Variants in PXDNL observed in about 807,000 individuals in gnomAD.
PXDNL encodes probable oxidoreductase PXDNL.
Under a neutral mutation model 150.8 loss-of-function variants are expected in PXDNL, and 145 were observed. The observed-to-expected ratio is 0.96, with a 90% CI of 0.84 to 1.10. The LOEUF (loss-of-function observed/expected upper bound fraction) is 1.10. Among genes scored for constraint, PXDNL ranks in the 50% least tolerant of loss-of-function variants. The pLI is 0.00. For synonymous variants in PXDNL, 757 were observed against 725.7 expected, an observed-to-expected ratio of 1.04 and a Z score of -0.69; for missense variants, 2,087 against 1,873.9, an observed-to-expected ratio of 1.11 and a Z score of -2.10.
At chr8:51,486,692 T>G (rs1040952911) in intron 5 of PXDNL, among the ~76,000 whole-genome samples, 11 of 145,692 alleles carry the variant, frequency 7.6e-5, no homozygotes, top group Non-Finnish European at 1.2e-4. Flanking sequence ...TGTAGATGAC[T>G]TTGATTGCTT....
chr8:51,451,394 T>A (rs1809806013), intron 10 of PXDNL, among the ~76,000 whole-genome samples: 1 of 152,206 alleles, frequency 6.6e-6, no homozygotes, highest in South Asian at 2.1e-4. Flanking sequence ...GAAGGTGGAA[T>A]AATTAGACAG....
chr8:51,494,751 C>T (rs1811003727), intron 5 of PXDNL, among the ~76,000 whole-genome samples: 1 of 151,770 alleles, frequency 6.6e-6, no homozygotes, highest in Admixed American at 6.6e-5. Flanking sequence ...ATATATGCAC[C>T]CAATACAGGA....
chr8:51,473,918 C>T (rs1043815452), intron 7 of PXDNL, among the ~76,000 whole-genome samples: 1 of 151,960 alleles, frequency 6.6e-6, no homozygotes, highest in Non-Finnish European at 1.5e-5. Flanking sequence ...AAACAATTTT[C>T]CCAAACATAA....
chr8:51,573,870 A>T (rs578129405), intron 3 of PXDNL, among the ~76,000 whole-genome samples: 2 of 152,196 alleles, frequency 1.3e-5, no homozygotes, highest in South Asian at 4.1e-4. Context: ...GATGGGCTCT[A>T]ATTTTATAAA....
intron 1 of PXDNL, among the ~76,000 whole-genome samples, chr8:51,723,899 G>T (rs1367092847): frequency 6.6e-6 from 1 of 152,090 alleles, no homozygotes; most frequent in East Asian, 1.9e-4. Flanking sequence ...GGAGCCACTT[G>T]GAATAATCCA....
intron 12 of PXDNL, among the ~76,000 whole-genome samples, chr8:51,427,819 G>T (rs1809148275): frequency 6.6e-6 from 1 of 152,172 alleles, no homozygotes; most frequent in Non-Finnish European, 1.5e-5. Flanking sequence ...TAGAAAATAA[G>T]GCAGGGATAT....
chr8:51,526,928 C>T (rs963018128), intron 4 of PXDNL, among the ~76,000 whole-genome samples: 4 of 152,170 alleles, frequency 2.6e-5, no homozygotes, highest in East Asian at 1.9e-4. Flanking sequence ...CTCTGTGCTC[C>T]GCCCTGGGAA....
intron 2 of PXDNL, among the ~76,000 whole-genome samples, chr8:51,632,086 A>AT (rs1042569756): frequency 8.6e-5 from 13 of 152,038 alleles, no homozygotes; most frequent in African/African-American, 3.1e-4. Flanking sequence ...GATGCAAATA[A>AT]TTTTTTTGGC....
At chr8:51,617,801 G>C (rs1814161664) in intron 2 of PXDNL, among the ~76,000 whole-genome samples, 1 of 152,238 alleles carries the variant, frequency 6.6e-6, no homozygotes, top group Admixed American at 6.5e-5. Context: ...ATGCCCAGCA[G>C]AGCTACTTCT....
At chr8:51,671,492 A>C (rs554823110) in intron 1 of PXDNL, among the ~76,000 whole-genome samples, 12 of 152,326 alleles carry the variant, frequency 7.9e-5, no homozygotes, top group African/African-American at 2.4e-4. Context: ...TAAAGGGTTG[A>C]GTTTTCTCCA....
intron 1 of PXDNL, among the ~76,000 whole-genome samples, chr8:51,714,312 T>C (rs1816562288): frequency 6.6e-6 from 1 of 152,236 alleles, no homozygotes; most frequent in Non-Finnish European, 1.5e-5. Flanking sequence ...AGACATCATT[T>C]CTCTGTTTTA....
Position 51,426,743 on chromosome 8 carries a change from G to A in PXDNL, c.1541C>T (p.Thr514Ile). 3 of 1,594,106 alleles carry A rather than the reference G, an allele frequency of 1.9e-6. No homozygotes were observed. The highest frequency in any genetic ancestry group is 2.6e-6 in the Non-Finnish European group (3 of 1,167,074). ...TVKPKALAVF[T>I]QLPQDTSVEV... ...GACACTTGTATCCTGAGGAAGTTGA[G>A]TAAACACTGCAAGAGCTGTGGAAAC... The change falls in exon 13 of 23, where the codon ACT becomes ATT. Residue 514 changes from threonine to isoleucine, a missense_variant. Coordinates refer to ENST00000356297, the MANE Select transcript of PXDNL (RefSeq NM_144651.5).
chr8:51,809,316 G>T lies in PXDNL; in HGVS notation c.29C>A (p.Thr10Asn). MEPRLFCWTTLFLLAGWCLP... is the reference protein window; with the variant it reads MEPRLFCWTNLFLLAGWCLP... ...GCACCACCCGGCCAGGAGAAAGAGA[G>T]TGGTCCAGCAGAACAGTCTGGGCTC... The change falls in exon 1 of 23, where the codon ACT becomes AAT. Residue 10 changes from threonine to asparagine, a missense_variant. Transcript: ENST00000356297. The T allele has an allele frequency of 1.9e-6, 3 of 1,568,214 alleles. No individual in the cohort carries two copies. Among genetic ancestry groups the T allele is most frequent in the Non-Finnish European group, 2.6e-6 (3 of 1,156,550 alleles).
intron 2 of PXDNL, among the ~76,000 whole-genome samples, chr8:51,624,562 TAA>T (rs546889456): frequency 6.6e-6 from 1 of 151,768 alleles, no homozygotes; most frequent in Non-Finnish European, 1.5e-5. Context: ...AAACAAACTA[TAA>T]CTCACTATAA....
At chr8:51,374,326 C>T (rs1450964159) in intron 18 of PXDNL, among the ~76,000 whole-genome samples, 1 of 152,210 alleles carries the variant, frequency 6.6e-6, no homozygotes, top group Non-Finnish European at 1.5e-5. Flanking sequence ...TTAAGCACAA[C>T]GTAGTCCATC....
intron 1 of PXDNL, among the ~76,000 whole-genome samples, chr8:51,739,433 G>A (rs904022576): frequency 9.9e-5 from 15 of 151,398 alleles, no homozygotes; most frequent in Non-Finnish European, 1.6e-4. Flanking sequence ...GCAAGAAAAA[G>A]AAATAATAGG....
chr8:51,701,199 G>C (rs1424063681), intron 1 of PXDNL, among the ~76,000 whole-genome samples: 2 of 152,022 alleles, frequency 1.3e-5, no homozygotes, highest in Admixed American at 1.3e-4. Flanking sequence ...TAGCAATTCA[G>C]TTGCTAGCAT....
chr8:51,412,112 T>C (rs10090385), intron 15 of PXDNL, among the ~76,000 whole-genome samples: 2,065 of 152,272 alleles, frequency 0.014, 43 homozygotes, highest in African/African-American at 0.046. Context: ...GAACCAAATA[T>C]GTTAAAAAGA....
chr8:51,639,725 A>G (rs2130774054), intron 2 of PXDNL, among the ~76,000 whole-genome samples: 1 of 152,244 alleles, frequency 6.6e-6, no homozygotes, highest in African/African-American at 2.4e-5. Context: ...CTTACCAACC[A>G]AAAAGAGTCC....
Sources: allele counts gnomAD v4.1 joint callset (sites outside exome capture counted in the v4.1 genomes callset), GRCh38; gene constraint gnomAD v4.1.1; transcripts MANE v1.5; gene names NCBI Gene and HGNC (gene_info 2026-07-23, HGNC 2026-07-21).